Variants in DRC8 observed in about 807,000 individuals in gnomAD.
The protein encoded by DRC8 is dynein regulatory complex protein 8.
chr1:245,055,149 G>A, the DRC8 span, among the ~76,000 whole-genome samples: 2 of 152,142 alleles, frequency 1.3e-5, no homozygotes, highest in Non-Finnish European at 1.5e-5. Flanking sequence ...GTCATCTCTC[G>A]AGGCTGCTCA....
chr1:245,093,069 AAG>A, the DRC8 span, among the ~76,000 whole-genome samples: 15 of 152,228 alleles, frequency 9.9e-5, no homozygotes, highest in South Asian at 3.1e-3. Context: ...GAGAGAGAAA[AAG>A]AGAGAGGGAG....
chr1:245,110,157 C>T, the DRC8 span, among the ~76,000 whole-genome samples: 8 of 151,962 alleles, frequency 5.3e-5, no homozygotes, highest in Non-Finnish European at 1.0e-4. Context: ...CGGAGGCAGG[C>T]GGATCACTTG....
the DRC8 span, among the ~76,000 whole-genome samples, chr1:245,047,710 A>C: frequency 7.5e-4 from 114 of 151,276 alleles, no homozygotes; most frequent in East Asian, 0.019. Flanking sequence ...TCATGCCTGC[A>C]ATCCCAGCAC....
the DRC8 span, among the ~76,000 whole-genome samples, chr1:244,985,579 T>TA: frequency 6.6e-6 from 1 of 152,116 alleles, no homozygotes; most frequent in Non-Finnish European, 1.5e-5. Context: ...TACATAATTA[T>TA]TGGGCCAGGT....
the DRC8 span, among the ~76,000 whole-genome samples, chr1:245,049,265 A>G: frequency 0.98 from 149,471 of 152,322 alleles, 73,380 homozygotes; most frequent in East Asian, 1. The surrounding 1 kb of genome is among the most constrained non-coding windows in gnomAD (Gnocchi z 4.5). Flanking sequence ...GATTACAGGC[A>G]TGAGCCACCG....
chr1:244,976,921 A>C, the DRC8 span, among the ~76,000 whole-genome samples: 1 of 152,232 alleles, frequency 6.6e-6, no homozygotes, highest in African/African-American at 2.4e-5. Flanking sequence ...GAACAAACCA[A>C]ATGTGGTATA....
chr1:245,059,497 G>A, the DRC8 span: 11 of 1,511,082 alleles, frequency 7.3e-6, no homozygotes, highest in African/African-American at 6.9e-5. Context: ...CCAGCTCTCT[G>A]TGTGAGAGCT....
the DRC8 span, among the ~76,000 whole-genome samples, chr1:245,046,575 C>T: frequency 2.0e-5 from 3 of 152,136 alleles, no homozygotes; most frequent in South Asian, 2.1e-4. Flanking sequence ...AAATACGATG[C>T]GAGGATAGTG....
the DRC8 span, among the ~76,000 whole-genome samples, chr1:245,109,010 G>A: frequency 6.6e-6 from 1 of 152,208 alleles, no homozygotes; most frequent in Non-Finnish European, 1.5e-5. Context: ...ACAATAGTAT[G>A]TGAGTAGGGA....
chr1:245,096,129 G>A, the DRC8 span, among the ~76,000 whole-genome samples: 5 of 152,154 alleles, frequency 3.3e-5, no homozygotes, highest in Non-Finnish European at 7.3e-5. Context: ...CAAACCCCTC[G>A]GCTGCTATGA....
chr1:245,065,073 C>CTTTTTTTTTTTTT, the DRC8 span, among the ~76,000 whole-genome samples: 468 of 81,582 alleles, frequency 5.7e-3, no homozygotes, highest in East Asian at 7.7e-3. Flanking sequence ...TAACATTCTT[C>CTTTTTTTTTTTTT]TTTTTTTTTT....
the DRC8 span, among the ~76,000 whole-genome samples, chr1:245,055,163 C>T: frequency 6.6e-5 from 10 of 152,272 alleles, no homozygotes; most frequent in Admixed American, 4.6e-4. Context: ...CTGCTCACTG[C>T]GGCATAGCCC....
chr1:245,063,456 A>G, the DRC8 span, among the ~76,000 whole-genome samples: 1 of 152,122 alleles, frequency 6.6e-6, no homozygotes, highest in Non-Finnish European at 1.5e-5. Context: ...ATTTTAGTGT[A>G]TAGTCTTTTT....
chr1:245,099,616 G>T, the DRC8 span, among the ~76,000 whole-genome samples: 1 of 152,208 alleles, frequency 6.6e-6, no homozygotes, highest in Admixed American at 6.5e-5. Context: ...GAAAACAAAG[G>T]CCTATTAATT....
chr1:245,080,751 C>G, the DRC8 span, among the ~76,000 whole-genome samples: 1 of 152,184 alleles, frequency 6.6e-6, no homozygotes, highest in Non-Finnish European at 1.5e-5. Context: ...AAGAAGCTGC[C>G]TCACCCTCAA....
At chr1:245,037,107 A>G in the DRC8 span, among the ~76,000 whole-genome samples, 7,795 of 152,264 alleles carry the variant, frequency 0.051, 679 homozygotes, top group African/African-American at 0.18. Flanking sequence ...GGATAATTCT[A>G]TCAAAGAAGA....
the DRC8 span, among the ~76,000 whole-genome samples, chr1:245,048,966 CCTTT>C: frequency 2.1e-5 from 3 of 142,408 alleles, no homozygotes; most frequent in Non-Finnish European, 3.0e-5. Context: ...CTGGGGTCTT[CCTTT>C]CTTTCTTTTT....
At chr1:245,114,288 C>T in the DRC8 span, among the ~76,000 whole-genome samples, 1 of 151,934 alleles carries the variant, frequency 6.6e-6, no homozygotes, top group Admixed American at 6.6e-5. Context: ...TATGGTGAAA[C>T]CCTGTTTCTG....
chr1:245,075,197 C>T, the DRC8 span, among the ~76,000 whole-genome samples: 1 of 152,090 alleles, frequency 6.6e-6, no homozygotes, highest in Non-Finnish European at 1.5e-5. Flanking sequence ...GATGATTTCT[C>T]GATGCAAGTG....
Sources: gnomAD v4.1 joint callset for allele counts (sites outside exome capture counted in the v4.1 genomes callset) on GRCh38, gnomAD v4.1.1 for gene constraint, Gnocchi (gnomAD v3.1) non-coding constraint, MANE v1.5 for transcripts, NCBI Gene and HGNC (gene_info 2026-07-23, HGNC 2026-07-21) for gene names.